The following PPARGC1A variants were observed in gnomAD, a reference collection of about 807,000 sequenced individuals.
PPARGC1A encodes the protein PPARG coactivator 1 alpha.
Under a neutral mutation model 88.7 loss-of-function variants are expected in PPARGC1A, and 25 were observed. The observed-to-expected ratio is 0.28, with a 90% CI of 0.21 to 0.39. PPARGC1A has a LOEUF of 0.39. PPARGC1A is among the 10% of genes least tolerant of loss of function. The probability of loss-of-function intolerance (pLI) is 1.00; values close to 1 mark genes in which losing one functional copy is unlikely to be tolerated. For missense variants in PPARGC1A, 880 were observed against 968.7 expected (o/e 0.91, Z 1.22); for synonymous variants, 363 against 355.6 (o/e 1.02, Z -0.24).
At chr4:23,824,181 T>C in intron 7 of PPARGC1A, 99 bp downstream of exon 7, 1 of 974,088 alleles carries the variant, frequency 1.0e-6, no homozygotes, top group Non-Finnish European at 1.6e-6. Flanking sequence ...TCTTTGTTAA[T>C]TTCATTAACC....
At chr4:24,321,174 T>C in the PPARGC1A span, among the ~76,000 whole-genome samples, 1 of 152,194 alleles carries the variant, frequency 6.6e-6, no homozygotes, top group Non-Finnish European at 1.5e-5. Context: ...GTCGATTCCC[T>C]CATCCTCAAT....
upstream of PPARGC1A, among the ~76,000 whole-genome samples, chr4:23,899,704 C>T (rs1369548479): frequency 6.6e-6 from 1 of 152,106 alleles, no homozygotes; most frequent in Non-Finnish European, 1.5e-5. Flanking sequence ...TTCTATAAAG[C>T]ACAGAAACAG....
At chr4:24,370,104 C>T in the PPARGC1A span, among the ~76,000 whole-genome samples, 5 of 152,300 alleles carry the variant, frequency 3.3e-5, no homozygotes, top group Admixed American at 6.5e-5. Context: ...CAGGCAACAG[C>T]GTCTAGTTAA....
At chr4:23,833,479 A>G (rs60346105) in intron 2 of PPARGC1A, among the ~76,000 whole-genome samples, 6,459 of 152,282 alleles carry the variant, frequency 0.042, 172 homozygotes, top group Non-Finnish European at 0.058. Flanking sequence ...AGATTTTATT[A>G]TAAAATGCAC....
At chr4:24,099,408 C>T in the PPARGC1A span, among the ~76,000 whole-genome samples, 4 of 151,936 alleles carry the variant, frequency 2.6e-5, no homozygotes, top group African/African-American at 9.7e-5. Flanking sequence ...GGAGGGGTAG[C>T]CTGAAGCTTT....
the PPARGC1A span, among the ~76,000 whole-genome samples, chr4:24,426,373 C>G: frequency 6.6e-6 from 1 of 152,116 alleles, no homozygotes; most frequent in African/African-American, 2.4e-5. Context: ...ATAAAAGGAA[C>G]ATTTCAAATA....
the PPARGC1A span, among the ~76,000 whole-genome samples, chr4:24,080,409 TAACTC>T: frequency 3.3e-5 from 5 of 152,198 alleles, no homozygotes; most frequent in Admixed American, 3.3e-4. Flanking sequence ...TTGAATCAAC[TAACTC>T]AACTCATAAT....
At chr4:24,277,416 G>A in the PPARGC1A span, among the ~76,000 whole-genome samples, 1 of 152,058 alleles carries the variant, frequency 6.6e-6, no homozygotes, top group Non-Finnish European at 1.5e-5. Context: ...TCCAAGTGTA[G>A]GCTCTGTCTC....
intron 2 of PPARGC1A, among the ~76,000 whole-genome samples, chr4:23,875,380 T>C (rs1472104132): frequency 1.3e-5 from 2 of 152,112 alleles, no homozygotes; most frequent in East Asian, 1.9e-4. Flanking sequence ...TTCTGAAACA[T>C]TTGAATTACA....
chr4:23,868,636 C>T (rs1047998473), intron 2 of PPARGC1A, among the ~76,000 whole-genome samples: 1 of 152,158 alleles, frequency 6.6e-6, no homozygotes, highest in Non-Finnish European at 1.5e-5. Context: ...AATTCGAAGG[C>T]CTTAACGAAA....
At chr4:24,053,072 C>T in the PPARGC1A span, among the ~76,000 whole-genome samples, 8 of 151,122 alleles carry the variant, frequency 5.3e-5, no homozygotes, top group East Asian at 2.0e-4. Context: ...AGGGTTTTAC[C>T]GTGTTAGCCA....
chr4:24,322,162 T>C, the PPARGC1A span, among the ~76,000 whole-genome samples: 1 of 152,262 alleles, frequency 6.6e-6, no homozygotes, highest in East Asian at 1.9e-4. Context: ...CAGAATTTCC[T>C]GATTATAGCC....
chr4:23,889,747 T>C (rs1036492804), intron 1 of PPARGC1A, among the ~76,000 whole-genome samples, 157 bp downstream of exon 1: 2 of 152,210 alleles, frequency 1.3e-5, no homozygotes, highest in African/African-American at 4.8e-5. Flanking sequence ...AGCAAACTTA[T>C]TGGAGTTAAG....
the PPARGC1A span, among the ~76,000 whole-genome samples, chr4:24,382,516 G>T: frequency 1.3e-5 from 2 of 152,274 alleles, no homozygotes; most frequent in Admixed American, 1.3e-4. Flanking sequence ...AAGAAAAAAA[G>T]AATTCTGAAA....
At chr4:24,047,678 A>T in the PPARGC1A span, among the ~76,000 whole-genome samples, 19 of 152,348 alleles carry the variant, frequency 1.2e-4, no homozygotes, top group African/African-American at 4.1e-4. Flanking sequence ...AATGCTTAGT[A>T]ACGAGTCCTT....
the PPARGC1A span, among the ~76,000 whole-genome samples, chr4:24,033,794 C>T: frequency 6.6e-6 from 1 of 152,190 alleles, no homozygotes. Flanking sequence ...AGGCAAAGTT[C>T]TGCAGAAATG....
intron 2 of PPARGC1A, among the ~76,000 whole-genome samples, chr4:23,846,275 T>G (rs1728308022): frequency 6.6e-6 from 1 of 152,194 alleles, no homozygotes; most frequent in Non-Finnish European, 1.5e-5. Context: ...GGTCAACTCT[T>G]CCAACAGTAT....
upstream of PPARGC1A, among the ~76,000 whole-genome samples, chr4:23,903,676 A>G (rs539672583): frequency 2.6e-5 from 4 of 152,300 alleles, no homozygotes; most frequent in African/African-American, 9.6e-5. Flanking sequence ...AACTCTAAAA[A>G]TCTTTAAAAA....
the PPARGC1A span, among the ~76,000 whole-genome samples, chr4:24,246,828 C>T: frequency 6.6e-6 from 1 of 152,094 alleles, no homozygotes; most frequent in Non-Finnish European, 1.5e-5. Flanking sequence ...CTAGAGCCTG[C>T]TTTTCTGCCT....
Sources: gnomAD v4.1 joint callset for allele counts (sites outside exome capture counted in the v4.1 genomes callset) on GRCh38, gnomAD v4.1.1 for gene constraint, MANE v1.5 for transcripts, NCBI Gene and HGNC (gene_info 2026-07-23, HGNC 2026-07-21) for gene names.